The following CFAP47 variants were observed in gnomAD, a reference collection of about 807,000 sequenced individuals.
CFAP47 encodes the protein cilia- and flagella-associated protein 47.
CFAP47 carries 29 observed loss-of-function variants against 148.1 expected under a neutral mutation model. That is an observed-to-expected ratio of 0.20 (90% confidence interval 0.15 to 0.27). The LOEUF is 0.27. CFAP47 is among the 10% of genes least tolerant of loss of function. The probability of loss-of-function intolerance (pLI) is 1.00; values close to 1 mark genes in which losing one functional copy is unlikely to be tolerated. For synonymous variants in CFAP47, 664 were observed against 577.3 expected (o/e 1.15, Z -2.15); for missense variants, 1,872 against 1,697.5 (o/e 1.10, Z -1.81).
intron 39 of CFAP47, among the ~76,000 whole-genome samples, chrX:36,165,673 A>G (rs916730491): frequency 3.6e-5 from 4 of 111,923 alleles, no homozygotes; most frequent in African/African-American, 1.3e-4. Flanking sequence ...AACACCACAG[A>G]TCAGATGGAA....
chrX:36,065,502 G>T, intron 26 of CFAP47, 141 bp from the exon 27 acceptor site: 2 of 425,870 alleles, frequency 4.7e-6, no homozygotes, highest in South Asian at 7.6e-5. Context: ...TTGAGTAGAT[G>T]GTTAAAAAAA....
In CFAP47 at chrX:36,176,128, C is replaced by T. The variant is rs181031501; in HGVS notation, c.6027-3217C>T. Among the ~76,000 whole-genome samples the T allele has an allele frequency of 9.1e-4, 103 of 113,069 alleles. No individual in the cohort carries two copies. The East Asian group carries it at 0.027, about 30-fold the overall frequency. ...GAACTCCCTGACCCCTTGTGCTTCC[C>T]GAGTGAGGCAATGCCTCACCCTGCT... On this transcript the variant is annotated intron_variant, in intron 39 of 63. Transcript: ENST00000378653.
chrX:36,331,961 T>A (rs1941568370), intron 57 of CFAP47, among the ~76,000 whole-genome samples: 1 of 112,370 alleles, frequency 8.9e-6, no homozygotes, highest in Non-Finnish European at 1.9e-5. Flanking sequence ...CAGACTCTTA[T>A]AAGCTAAAAT....
intron 55 of CFAP47, among the ~76,000 whole-genome samples, chrX:36,308,310 A>C (rs966527821): frequency 9.0e-6 from 1 of 111,523 alleles, no homozygotes. Flanking sequence ...ACTTGTAGCA[A>C]ATCTATAAGG....
intron 45 of CFAP47, among the ~76,000 whole-genome samples, chrX:36,210,001 A>T (rs1940082559): frequency 9.0e-6 from 1 of 111,433 alleles, no homozygotes; most frequent in Admixed American, 9.6e-5. Flanking sequence ...CGTATGTTAC[A>T]TTTTCTGACT....
At chrX:36,041,485 A>G (rs1937403629) in intron 25 of CFAP47, among the ~76,000 whole-genome samples, 1 of 111,734 alleles carries the variant, frequency 8.9e-6, no homozygotes, top group Admixed American at 9.6e-5. Flanking sequence ...ATGATTTTAC[A>G]GTCAAGTTTT....
chrX:36,254,731 G>T (rs1555998730), intron 49 of CFAP47, among the ~76,000 whole-genome samples: 2 of 111,594 alleles, frequency 1.8e-5, no homozygotes, highest in African/African-American at 6.5e-5. Context: ...TAGTTATCAG[G>T]TTACTGCTGA....
intron 30 of CFAP47, among the ~76,000 whole-genome samples, chrX:36,086,761 C>T (rs1938095769): frequency 9.0e-6 from 1 of 111,507 alleles, no homozygotes; most frequent in Non-Finnish European, 1.9e-5. Flanking sequence ...TTCTAAATCA[C>T]TTAAGGTGAC....
intron 22 of CFAP47, among the ~76,000 whole-genome samples, 173 bp downstream of exon 22, chrX:36,015,085 G>A (rs1452700668): frequency 9.0e-6 from 1 of 110,636 alleles, no homozygotes; most frequent in Admixed American, 9.7e-5. Context: ...TGAGATTTGA[G>A]TGTTGACAAA....
intron 42 of CFAP47, among the ~76,000 whole-genome samples, chrX:36,196,655 C>T (rs1376530007): frequency 9.0e-6 from 1 of 110,878 alleles, no homozygotes; most frequent in Non-Finnish European, 1.9e-5. Context: ...TGTAACTGTG[C>T]TATTTGAGGA....
intron 33 of CFAP47, among the ~76,000 whole-genome samples, chrX:36,126,541 G>C (rs1282083120): frequency 1.8e-5 from 2 of 111,913 alleles, no homozygotes; most frequent in Non-Finnish European, 3.8e-5. Context: ...ATTGTGAATA[G>C]TGCTGCAATA....
At chrX:36,296,103 G>T (rs905389240) in intron 51 of CFAP47, among the ~76,000 whole-genome samples, 40 of 111,670 alleles carry the variant, frequency 3.6e-4, no homozygotes, top group African/African-American at 1.1e-3. Flanking sequence ...TACTGAATAA[G>T]AGTGAAATGA....
chrX:35,997,201 T>C (rs1936858076), intron 18 of CFAP47, 111 bp from the exon 19 acceptor site: 3 of 257,914 alleles, frequency 1.2e-5, no homozygotes, highest in Non-Finnish European at 2.1e-5. Context: ...ATTTATAATA[T>C]GTTACTATTA....
intron 22 of CFAP47, among the ~76,000 whole-genome samples, chrX:36,025,460 C>T (rs1284824051): frequency 9.4e-6 from 1 of 106,825 alleles, no homozygotes; most frequent in African/African-American, 3.6e-5. Context: ...ACAGTGAGAC[C>T]CTGTCTCTAA....
At chrX:36,374,515 C>T (rs1206656710) in intron 62 of CFAP47, among the ~76,000 whole-genome samples, 4 of 110,322 alleles carry the variant, frequency 3.6e-5, no homozygotes, top group African/African-American at 1.3e-4. Flanking sequence ...TATGACTTTT[C>T]TATTCTCTAT....
chrX:36,279,982 G>T (rs1340476673), intron 49 of CFAP47, among the ~76,000 whole-genome samples: 1 of 111,074 alleles, frequency 9.0e-6, no homozygotes, highest in Non-Finnish European at 1.9e-5. Context: ...GGGATTACAG[G>T]CATGAGCCAC....
intron 2 of CFAP47, 36 bp from the exon 3 acceptor site, chrX:35,941,247 T>C: frequency 1.3e-6 from 1 of 783,054 alleles, no homozygotes; most frequent in South Asian, 2.4e-5. Context: ...TTATGATTGT[T>C]AAATTAATTA....
At chrX:36,166,825 A>G (rs973171584) in intron 39 of CFAP47, among the ~76,000 whole-genome samples, 1 of 111,332 alleles carries the variant, frequency 9.0e-6, no homozygotes, top group Non-Finnish European at 1.9e-5. Context: ...GCTCAAACCT[A>G]CACACACATA....
At chrX:36,376,047 G>T (rs1367743605) in intron 62 of CFAP47, among the ~76,000 whole-genome samples, 1 of 111,842 alleles carries the variant, frequency 8.9e-6, no homozygotes, top group Non-Finnish European at 1.9e-5. Flanking sequence ...ACACTCAGCT[G>T]CAGGAGCCAA....
Sources: gnomAD v4.1 joint callset for allele counts (sites outside exome capture counted in the v4.1 genomes callset) on GRCh38, gnomAD v4.1.1 for gene constraint, MANE v1.5 for transcripts, NCBI Gene and HGNC (gene_info 2026-07-23, HGNC 2026-07-21) for gene names.